Variants in LRIG3 observed in about 807,000 individuals in gnomAD.
LRIG3 encodes leucine-rich repeats and immunoglobulin-like domains protein 3.
LRIG3 carries 76 observed loss-of-function variants against 114.5 expected under a neutral mutation model. That is an observed-to-expected ratio of 0.66 (90% CI 0.55 to 0.80). The LOEUF is 0.80. LRIG3 is among the 30% of genes least tolerant of loss of function. The probability of loss-of-function intolerance (pLI) is 0.00; values close to 1 mark genes in which losing one functional copy is unlikely to be tolerated. For synonymous variants in LRIG3, 512 were observed against 519.8 expected (o/e 0.98, Z 0.20); for missense variants, 1,239 against 1,382.8 (o/e 0.90, Z 1.65).
intron 3 of LRIG3, among the ~76,000 whole-genome samples, chr12:58,894,704 C>T (rs139637603): frequency 6.6e-5 from 10 of 152,282 alleles, no homozygotes; most frequent in Admixed American, 2.6e-4. Context: ...AAATGTGCAA[C>T]GCTTGAACAA....
intron 13 of LRIG3, 129 bp downstream of exon 13, chr12:58,880,452 T>C (rs777412931): frequency 2.2e-6 from 2 of 906,230 alleles, no homozygotes; most frequent in South Asian, 1.4e-5. Context: ...GAATGAAAGG[T>C]AGGGAAAGGA....
chr12:58,914,467 T>G, intron 1 of LRIG3, 131 bp from the exon 2 acceptor site: 1 of 644,642 alleles, frequency 1.6e-6, no homozygotes, highest in East Asian at 2.7e-5. Context: ...GTCCACAAAC[T>G]AGATGGCAAC....
intron 1 of LRIG3, among the ~76,000 whole-genome samples, chr12:58,915,662 C>T (rs1401306175): frequency 1.3e-5 from 2 of 152,130 alleles, no homozygotes; most frequent in Non-Finnish European, 2.9e-5. Flanking sequence ...TGAAAAAAAT[C>T]TGGCACAGTC....
At chr12:58,895,320 A>T (rs1871601204) in intron 3 of LRIG3, among the ~76,000 whole-genome samples, 1 of 152,204 alleles carries the variant, frequency 6.6e-6, no homozygotes, top group Admixed American at 6.5e-5. Context: ...TACTGTGGAC[A>T]GACTTCTAGA....
In LRIG3 at chr12:58,890,059, A is replaced by G. The variant is rs1409195407; in HGVS notation, c.596T>C (p.Leu199Pro). 1.2e-6 allele frequency: 2 copies of G among 1,613,958 alleles called. No homozygotes were observed. ...NLANTLLVLKLNRNRISAIPP... is the reference protein window; with the variant it reads ...NLANTLLVLKPNRNRISAIPP... ...GATAGCTGAGATTCGGTTCCTGTTC[A>G]GCTTTAACACAAGGAGTGTGTTGGC... Residue 199 changes from leucine (L) to proline (P), a missense_variant, in exon 5 of 19, where the codon CTG becomes CCG. Transcript: ENST00000320743.
intron 4 of LRIG3, among the ~76,000 whole-genome samples, chr12:58,890,457 C>G (rs1325756927): frequency 6.6e-6 from 1 of 151,876 alleles, no homozygotes; most frequent in African/African-American, 2.4e-5. Flanking sequence ...TCTAGGTTTT[C>G]TAATAAAAAA....
rs1333105139 is a variant in LRIG3, at chr12:58,880,660, G to A, written c.1722C>T (p.Ala574=). 2 of 1,614,072 alleles carry A rather than the reference G, an allele frequency of 1.2e-6. No homozygotes were observed. Among genetic ancestry groups the A allele is most frequent in the East Asian group, 2.2e-5 (1 of 44,894 alleles). The change falls in exon 13 of 19, where the codon GCC becomes GCT. Residue 574 remains alanine, a synonymous_variant. Coordinates refer to ENST00000320743, the MANE Select transcript of LRIG3 (RefSeq NM_153377.5). The part of the protein sequence containing the change: ...TILRLREVEF[A]SEGKYQCVIS... ...TGACACACTGATATTTCCCCTCACT[G>A]GCAAATTCCACCTCGCGCAGCCGAA...
chr12:58,888,316 A>C lies in LRIG3; in HGVS notation c.947+13T>G. 1 of 1,609,798 alleles carries C rather than the reference A, an allele frequency of 6.2e-7. No individual in the cohort carries two copies. The highest frequency in any genetic ancestry group is 8.5e-7 in the Non-Finnish European group (1 of 1,176,548). ...CTCTCAAACCTGAGGAGAATAAATA[A>C]AAGGCAACTCACAGCTCACTGAGCT... On this transcript the variant is annotated intron_variant, in intron 7 of 18. Transcript: ENST00000320743.
chr12:58,901,933 A>G (rs969902096), intron 3 of LRIG3, among the ~76,000 whole-genome samples: 1 of 152,224 alleles, frequency 6.6e-6, no homozygotes, highest in Non-Finnish European at 1.5e-5. Flanking sequence ...ACAGAGAAAA[A>G]TATCTCTTCT....
intron 12 of LRIG3, 34 bp from the exon 13 acceptor site, chr12:58,880,935 G>T: frequency 6.3e-7 from 1 of 1,586,968 alleles, no homozygotes; most frequent in Non-Finnish European, 8.6e-7. Context: ...ACAAAACAAT[G>T]TTAAGGCTCA....
intron 3 of LRIG3, among the ~76,000 whole-genome samples, chr12:58,894,630 G>A (rs527279662): frequency 6.6e-6 from 1 of 152,036 alleles, no homozygotes; most frequent in South Asian, 2.1e-4. Flanking sequence ...CTCCAAATAG[G>A]AATAAATGCC....
intron 3 of LRIG3, among the ~76,000 whole-genome samples, chr12:58,903,790 C>T (rs2120956147): frequency 6.6e-6 from 1 of 151,990 alleles, no homozygotes; most frequent in South Asian, 2.1e-4. Flanking sequence ...ATATGGCTAG[C>T]CAGTTTTCCC....
intron 3 of LRIG3, among the ~76,000 whole-genome samples, chr12:58,900,804 C>A (rs1172818100): frequency 1.3e-5 from 2 of 152,148 alleles, no homozygotes; most frequent in African/African-American, 2.4e-5. Context: ...AATGCAGACA[C>A]AGAATAGCTT....
chr12:58,873,852 T>A (rs1565612313), intron 18 of LRIG3: 2 of 624,616 alleles, frequency 3.2e-6, no homozygotes, highest in African/African-American at 1.8e-5. Flanking sequence ...GAGGCTTAGT[T>A]ATAGATTAAA....
chr12:58,903,192 G>A (rs1220335478), intron 3 of LRIG3, among the ~76,000 whole-genome samples: 1 of 152,188 alleles, frequency 6.6e-6, no homozygotes, highest in Admixed American at 6.5e-5. Flanking sequence ...CACCAACAGT[G>A]TAAAAGTGTT....
At chr12:58,899,968 G>A (rs1871785438) in intron 3 of LRIG3, among the ~76,000 whole-genome samples, 1 of 152,162 alleles carries the variant, frequency 6.6e-6, no homozygotes, top group African/African-American at 2.4e-5. Flanking sequence ...TGGGGGTGTT[G>A]CCTTCAGTAT....
In LRIG3 at chr12:58,887,906, C is replaced by T; in HGVS notation, c.974G>A (p.Arg325Lys). Reference sequence around the variant, plus strand: ...GCCAAGGAAGCTTGAATCATCTAACCTTGATAAGTGATTGAAAGTTAGGTC... The same window carrying T: ...GCCAAGGAAGCTTGAATCATCTAACTTTGATAAGTGATTGAAAGTTAGGTC... Reference protein sequence around the residue: ...ELDLTFNHLSRLDDSSFLGLS... With the variant: ...ELDLTFNHLSKLDDSSFLGLS... The change falls in exon 8 of 19, where the codon AGG (arginine) becomes AAG (lysine). Residue 325 changes from arginine (R) to lysine (K), a missense_variant. Physicochemically the swap from Arg to Lys is conservative, Grantham distance 26 (BLOSUM62 2). Coordinates refer to ENST00000320743, the MANE Select transcript of LRIG3 (RefSeq NM_153377.5). 2 of 1,613,278 alleles carry T rather than the reference C, an allele frequency of 1.2e-6. No homozygotes were observed. Among genetic ancestry groups the T allele is most frequent in the Non-Finnish European group, 1.7e-6 (2 of 1,179,610 alleles).
At chr12:58,899,095 T>C (rs1222631493) in intron 3 of LRIG3, among the ~76,000 whole-genome samples, 1 of 152,166 alleles carries the variant, frequency 6.6e-6, no homozygotes, top group Non-Finnish European at 1.5e-5. Context: ...GAAGACCAGA[T>C]TGTTAAGCCC....
chr12:58,885,214 C>A (rs866828108), intron 10 of LRIG3, among the ~76,000 whole-genome samples: 1 of 152,006 alleles, frequency 6.6e-6, no homozygotes, highest in Non-Finnish European at 1.5e-5. Flanking sequence ...CAAAAGAAAA[C>A]AACAAAAAAG....
Sources: allele counts gnomAD v4.1 joint callset (sites outside exome capture counted in the v4.1 genomes callset), GRCh38; gene constraint gnomAD v4.1.1; transcripts MANE v1.5; gene names NCBI Gene and HGNC (gene_info 2026-07-23, HGNC 2026-07-21).